DPP10: variants seen among roughly 807,000 people sequenced by gnomAD.
The protein encoded by DPP10 is dipeptidyl peptidase like 10.
Under a neutral mutation model 120.9 loss-of-function variants are expected in DPP10, and 33 were observed. That is an observed-to-expected ratio of 0.27 (90% CI 0.21 to 0.37). The LOEUF is 0.37. Ranked by LOEUF, DPP10 falls within the 10% of genes least tolerant of loss-of-function variation. The probability of loss-of-function intolerance (pLI) is 1.00; values close to 1 mark genes in which losing one functional copy is unlikely to be tolerated. For missense variants in DPP10, 816 were observed against 942.8 expected, an observed-to-expected ratio of 0.87 and a Z score of 1.76; for synonymous variants, 337 against 326.1, an observed-to-expected ratio of 1.03 and a Z score of -0.36.
rs542405497 is a variant in DPP10 at position 115,312,005 on chromosome 2, C to T, written c.175+2652C>T. The stretch of plus-strand genomic sequence containing the variant: ...TCCTGGTCTCAAGCAGTTCTCTTGC[C>T]TAGGCCTCCCAAAGTGCTGGGATTA... On this transcript the variant is annotated intron_variant, in intron 2 of 25. Transcript: ENST00000410059. Among the ~76,000 whole-genome samples the T allele has an allele frequency of 5.9e-5, 9 of 152,186 alleles. No individual in the cohort carries two copies. The East Asian group carries it at 1.7e-3, about 30-fold the overall frequency.
Position 115,571,279 on chromosome 2 carries a change from A to T in DPP10, c.441+45307A>T, listed in dbSNP as rs546803595. Among the ~76,000 whole-genome samples the T allele has an allele frequency of 3.3e-5, 5 of 152,198 alleles. No individual in the cohort carries two copies. The East Asian group carries it at 9.7e-4, about 29-fold the overall frequency. Reference sequence around the variant, plus strand: ...CAGGGAGTACCTGTGCAGGTTTGTTACCTGGGTATATTGCATGATGCTGAG... The same window carrying T: ...CAGGGAGTACCTGTGCAGGTTTGTTTCCTGGGTATATTGCATGATGCTGAG... On this transcript the variant is annotated intron_variant, in intron 5 of 25. Coordinates refer to ENST00000410059, the MANE Select transcript of DPP10 (RefSeq NM_020868.6).
At chr2:115,769,268 C>A (rs1681169554) in intron 13 of DPP10, among the ~76,000 whole-genome samples, 1 of 151,958 alleles carries the variant, frequency 6.6e-6, no homozygotes, top group Non-Finnish European at 1.5e-5. Context: ...TTCATACTTA[C>A]AAAATATAGA....
Position 115,302,481 on chromosome 2 carries a change from G to A in DPP10, c.61-6758G>A, listed in dbSNP as rs577420896. Among the ~76,000 whole-genome samples the A allele has an allele frequency of 5.3e-5, 8 of 152,124 alleles. No individual in the cohort carries two copies. The South Asian group carries it at 1.7e-3, about 32-fold the overall frequency. On this transcript the variant is annotated intron_variant, in intron 1 of 25. Coordinates refer to ENST00000410059, the MANE Select transcript of DPP10 (RefSeq NM_020868.6). ...TATAGAAAAAAAGTAGCCAGGTATA[G>A]TGGTACATTTCTGTGGTCCCAGCTA...
rs546514611 is a variant in DPP10 at position 115,413,458 on chromosome 2, C to T, written c.271+69546C>T. 4.8e-3 allele frequency among the ~76,000 whole-genome samples: 724 copies of T among 152,210 alleles called. 6 individuals carry two copies. Among genetic ancestry groups the T allele is most frequent in the African/African-American group, 0.016 (675 of 41,528 alleles). On this transcript the variant is annotated intron_variant, in intron 3 of 25. Coordinates refer to ENST00000410059, the MANE Select transcript of DPP10 (RefSeq NM_020868.6). ...GTGGAGCATGAGGGTAGGTTATCTT[C>T]AAGTAGTGAGGTTTGTGTAAATTAG... is the stretch of plus-strand genomic sequence containing the variant.
intron 1 of DPP10, among the ~76,000 whole-genome samples, chr2:115,249,548 G>A (rs2058670117): frequency 6.6e-6 from 1 of 152,120 alleles, no homozygotes; most frequent in East Asian, 1.9e-4. Flanking sequence ...CCATAATAAG[G>A]AGTGTGGGTT....
At chr2:114,641,886 G>A (rs574496011) in intron 1 of DPP10, among the ~76,000 whole-genome samples, 3 of 152,014 alleles carry the variant, frequency 2.0e-5, no homozygotes, top group East Asian at 1.9e-4. Context: ...CTTACCAGGT[G>A]TGAAAATAAT....
intron 2 of DPP10, among the ~76,000 whole-genome samples, chr2:115,335,116 C>T (rs2063043509): frequency 6.6e-6 from 1 of 151,940 alleles, no homozygotes; most frequent in East Asian, 1.9e-4. Context: ...AAAAAGAAAC[C>T]TTGTGCAGGG....
intron 1 of DPP10, among the ~76,000 whole-genome samples, chr2:115,093,092 G>C (rs1422232439): frequency 3.3e-5 from 5 of 152,186 alleles, no homozygotes; most frequent in African/African-American, 1.2e-4. Flanking sequence ...TAAGGTGAAA[G>C]TCTAGCTTGA....
intron 1 of DPP10, among the ~76,000 whole-genome samples, chr2:115,176,780 G>A (rs896323668): frequency 6.6e-6 from 1 of 152,152 alleles, no homozygotes; most frequent in South Asian, 2.1e-4. Flanking sequence ...ATTTGATTAC[G>A]ACCACATAAC....
At chr2:114,967,782 A>G (rs1699136196) in intron 1 of DPP10, among the ~76,000 whole-genome samples, 4 of 151,822 alleles carry the variant, frequency 2.6e-5, no homozygotes, top group Admixed American at 2.0e-4. Context: ...GCCTTATTTA[A>G]CATTATCATT....
chr2:115,405,245 GAA>G (rs2068420578), intron 3 of DPP10, among the ~76,000 whole-genome samples: 1 of 152,148 alleles, frequency 6.6e-6, no homozygotes, highest in African/African-American at 2.4e-5. Flanking sequence ...GAGGCAAAAA[GAA>G]AAATCAGCCC....
At chr2:114,687,229 A>C (rs1346466892) in intron 1 of DPP10, among the ~76,000 whole-genome samples, 1 of 151,850 alleles carries the variant, frequency 6.6e-6, no homozygotes, top group East Asian at 1.9e-4. Context: ...TCTGACCTTT[A>C]TGGTACTTCT....
In DPP10 at chr2:115,006,777, T is replaced by G. The variant is rs187486451; in HGVS notation, c.61-302462T>G. 7.5e-3 allele frequency among the ~76,000 whole-genome samples: 1,138 copies of G among 152,034 alleles called. 11 individuals are homozygous for G. Among genetic ancestry groups the G allele is most frequent in the African/African-American group, 0.026 (1,087 of 41,446 alleles). On this transcript the variant is annotated intron_variant, in intron 1 of 25. Coordinates refer to ENST00000410059, the MANE Select transcript of DPP10 (RefSeq NM_020868.6). ...CCCACACATTAATAATTGGAGACTT[T>G]AACACCCCACTGTCAACATTAGACA... is the stretch of plus-strand genomic sequence containing the variant.
At chr2:115,704,195 A>T (rs2092005418) in intron 7 of DPP10, among the ~76,000 whole-genome samples, 1 of 151,102 alleles carries the variant, frequency 6.6e-6, no homozygotes, top group African/African-American at 2.4e-5. Flanking sequence ...AAGACACCTG[A>T]CTCCTCTGTG....
intron 1 of DPP10, among the ~76,000 whole-genome samples, chr2:115,217,117 A>G (rs1559257124): frequency 6.6e-6 from 1 of 152,104 alleles, no homozygotes; most frequent in Non-Finnish European, 1.5e-5. Flanking sequence ...AATTGTTTTC[A>G]CCAGAGTTTT....
chr2:115,813,666 C>T (rs1575861302), intron 19 of DPP10, among the ~76,000 whole-genome samples: 1 of 152,298 alleles, frequency 6.6e-6, no homozygotes, highest in East Asian at 1.9e-4. Context: ...CTTTATGTCA[C>T]TTACAGGATT....
intron 1 of DPP10, among the ~76,000 whole-genome samples, chr2:114,992,834 G>A (rs1700827587): frequency 6.6e-6 from 1 of 152,210 alleles, no homozygotes; most frequent in African/African-American, 2.4e-5. Flanking sequence ...AATAGTTACA[G>A]GAAGTTAGCC....
rs532443601 is a variant in DPP10, at chr2:114,484,876, TC to T, written c.60+42040del. 1.2e-3 allele frequency among the ~76,000 whole-genome samples: 175 copies of T among 152,146 alleles called. 1 individual carries two copies. The highest frequency in any genetic ancestry group is 4.1e-3 in the African/African-American group (171 of 41,508). ...AGGTATAGAGGTTTTTGCAGCTACTTCCATGCTTCAGCACAGAATGGTATGG... is the reference window on the plus strand; with the variant it reads ...AGGTATAGAGGTTTTTGCAGCTACTTCATGCTTCAGCACAGAATGGTATGG... On this transcript the variant is annotated intron_variant, in intron 1 of 25. Transcript: ENST00000410059.
intron 2 of DPP10, among the ~76,000 whole-genome samples, chr2:115,339,515 A>G (rs1574484685): frequency 6.6e-6 from 1 of 152,346 alleles, no homozygotes; most frequent in East Asian, 1.9e-4. Flanking sequence ...AAATGTTTAT[A>G]GTAACTTTAT....
Sources: gnomAD v4.1 joint callset for allele counts (sites outside exome capture counted in the v4.1 genomes callset) on GRCh38, gnomAD v4.1.1 for gene constraint, MANE v1.5 for transcripts, NCBI Gene and HGNC (gene_info 2026-07-23, HGNC 2026-07-21) for gene names.